PHF8: variants seen among roughly 807,000 people sequenced by gnomAD.
PHF8 encodes PHD finger protein 8, also known as histone lysine demethylase PHF8.
A neutral mutation model predicts 74.4 loss-of-function variants in PHF8; 9 were observed. The observed-to-expected ratio is 0.12, with a 90% CI of 0.07 to 0.21. The LOEUF (loss-of-function observed/expected upper bound fraction) is 0.21, where lower values mean the gene tolerates loss of function less well. Ranked by LOEUF, PHF8 falls within the 10% of genes least tolerant of loss-of-function variation. PHF8 has a pLI of 1.00. For synonymous variants in PHF8, 311 were observed against 316.6 expected, an observed-to-expected ratio of 0.98 and a Z score of 0.19; for missense variants, 478 against 816.6, an observed-to-expected ratio of 0.59 and a Z score of 5.05.
At chrX:54,048,506 C>CT (rs199643135), upstream of PHF8, among the ~76,000 whole-genome samples, 1,362 of 112,164 alleles carry the variant, frequency 0.012, 14 homozygotes, top group Non-Finnish European at 0.018. Flanking sequence ...ACCCCGACTC[C>CT]TAAAATTCCT....
chrX:54,017,529 T>C (rs2066092826), intron 5 of PHF8, 132 bp downstream of exon 5: 2 of 540,958 alleles, frequency 3.7e-6, no homozygotes, highest in South Asian at 5.7e-5. Context: ...AAGAATGACT[T>C]TGGACAAGGC....
intron 18 of PHF8, among the ~76,000 whole-genome samples, chrX:53,983,980 C>G (rs2065519525): frequency 8.9e-6 from 1 of 112,485 alleles, no homozygotes; most frequent in Non-Finnish European, 1.9e-5. Flanking sequence ...AGAGAGGAAA[C>G]AGTGTTAGTC....
chrX:53,979,313 C>T (rs1250624262), intron 18 of PHF8, among the ~76,000 whole-genome samples: 2 of 110,821 alleles, frequency 1.8e-5, no homozygotes, highest in East Asian at 2.8e-4. Context: ...ACCGGGGAGG[C>T]GGAGGTTGCA....
chrX:53,960,705 C>T (rs782101695), intron 19 of PHF8, among the ~76,000 whole-genome samples: 5 of 108,039 alleles, frequency 4.6e-5, no homozygotes, highest in Admixed American at 9.9e-5. Context: ...GCCAAGATCC[C>T]GCCACTGCAC....
chrX:54,016,561 T>C (rs964797583), intron 6 of PHF8, 34 bp downstream of exon 6: 21 of 1,160,531 alleles, frequency 1.8e-5, no homozygotes, highest in Middle Eastern at 2.4e-4. Flanking sequence ...TCAGGCACTT[T>C]GTCAGGTTTT....
chrX:53,966,751 G>A (rs1489456568), intron 18 of PHF8, among the ~76,000 whole-genome samples: 6 of 108,700 alleles, frequency 5.5e-5, no homozygotes, highest in South Asian at 4.2e-4. Context: ...AGTGAGGAGC[G>A]TCTCTGCCCG....
intron 2 of PHF8, among the ~76,000 whole-genome samples, chrX:54,042,372 A>AGG (rs58326801): frequency 2.8e-4 from 21 of 74,560 alleles, no homozygotes; most frequent in East Asian, 5.3e-4. Flanking sequence ...AGGAAAGAAA[A>AGG]GGGGGGGGGG....
chrX:54,034,577 C>T (rs1222152771), intron 2 of PHF8, among the ~76,000 whole-genome samples: 1 of 111,085 alleles, frequency 9.0e-6, no homozygotes, highest in African/African-American at 3.3e-5. Flanking sequence ...AATCCCAGCA[C>T]TTTGGGAGGC....
intron 8 of PHF8, among the ~76,000 whole-genome samples, chrX:54,009,430 C>G (rs1263741026): frequency 9.1e-6 from 1 of 109,890 alleles, no homozygotes; most frequent in Non-Finnish European, 1.9e-5. Flanking sequence ...AAACTAAGCT[C>G]TCATCTCAAG....
At chrX:53,964,781 C>G (rs1272044531) in intron 18 of PHF8, among the ~76,000 whole-genome samples, 1 of 106,858 alleles carries the variant, frequency 9.4e-6, no homozygotes, top group African/African-American at 3.4e-5. Flanking sequence ...GCAGGAGAAT[C>G]ACTTGAACCT....
chrX:53,980,054 T>C (rs1427538000), intron 18 of PHF8, among the ~76,000 whole-genome samples: 1 of 111,256 alleles, frequency 9.0e-6, no homozygotes, highest in African/African-American at 3.3e-5. Flanking sequence ...GAGACCTATA[T>C]ATTGAGTGGA....
At chrX:53,981,028 C>A (rs975652147) in intron 18 of PHF8, among the ~76,000 whole-genome samples, 5 of 112,275 alleles carry the variant, frequency 4.5e-5, no homozygotes, top group Admixed American at 2.8e-4. Flanking sequence ...GCCTGGCCAA[C>A]GTGGTGAAAC....
At position 53,993,825 on chromosome X, in the gene PHF8, G is replaced by C. The variant is rs782806150; in HGVS notation, c.1402C>G (p.Leu468Val). Reference protein sequence around the residue: ...QRIFPAGSIPLTRPAHSTSVS... With the variant: ...QRIFPAGSIPVTRPAHSTSVS... ...GAAGTGGAATGGGCTGGCCTGGTTA[G>C]GGGAATGGAGCCGGCTGGGAAGATC... Residue 468 changes from leucine (L) to valine (V), a missense_variant, in exon 13 of 22, where the codon CTA becomes GTA. Around this residue, in one of 9 missense-constraint regions of PHF8, gnomAD observed 153 missense variants for 164.8 expected, o/e 0.93. Transcript: ENST00000338154. 5.0e-6 allele frequency: 6 copies of C among 1,207,340 alleles called. No homozygotes were observed. Among genetic ancestry groups the C allele is most frequent in the Non-Finnish European group, 4.5e-6 (4 of 891,131 alleles).
At chrX:53,944,842 G>A (rs1415600032) in intron 19 of PHF8, among the ~76,000 whole-genome samples, 1 of 111,121 alleles carries the variant, frequency 9.0e-6, no homozygotes, top group Non-Finnish European at 1.9e-5. Flanking sequence ...CCAACATGGC[G>A]AAAACTTCGT....
chrX:53,992,952 A>C (rs1897439189), intron 13 of PHF8, 113 bp from the exon 14 acceptor site: 1 of 533,890 alleles, frequency 1.9e-6, no homozygotes, highest in Admixed American at 2.7e-5. Flanking sequence ...ACCTGAGCCA[A>C]GGCCTTCTGC....
At chrX:53,978,797 C>CAAA (rs34127297) in intron 18 of PHF8, among the ~76,000 whole-genome samples, 3 of 42,874 alleles carry the variant, frequency 7.0e-5, no homozygotes, top group Admixed American at 6.6e-4. Flanking sequence ...GGCTCCATCT[C>CAAA]AAAAAAAAAA....
chrX:54,010,214 A>G lies in PHF8; in HGVS notation c.946+908T>C, dbSNP rs145009442. Reference sequence around the variant, plus strand: ...TGCAAGCCTGTAATCCCAGCTACCCAGGAGGCTGAGGCAAGAGAATCTCTT... The same window carrying G: ...TGCAAGCCTGTAATCCCAGCTACCCGGGAGGCTGAGGCAAGAGAATCTCTT... On this transcript the variant is annotated intron_variant, in intron 8 of 21. Coordinates refer to ENST00000338154, the MANE Select transcript of PHF8 (RefSeq NM_015107.3). Among the ~76,000 whole-genome samples the G allele has an allele frequency of 5.0e-3, 549 of 110,720 alleles. 2 individuals are homozygous for G. Among genetic ancestry groups the G allele is most frequent in the African/African-American group, 0.017 (517 of 30,477 alleles).
chrX:53,977,725 C>T (rs1257380266), intron 18 of PHF8, among the ~76,000 whole-genome samples: 2 of 107,066 alleles, frequency 1.9e-5, no homozygotes, highest in Admixed American at 1.0e-4. Context: ...CGGCTCACTG[C>T]AAGCTCCGAC....
At position 53,991,459 on chromosome X, in the gene PHF8, C is replaced by T. The variant is rs1157595520; in HGVS notation, c.1730+1277G>A. ...GGCGGATCACTCGAGGCCAGGAGTTCGAGACCAGCCTGGCCAACATGCGGA... is the reference window on the plus strand; with the variant it reads ...GGCGGATCACTCGAGGCCAGGAGTTTGAGACCAGCCTGGCCAACATGCGGA... On this transcript the variant is annotated intron_variant, in intron 14 of 21. Coordinates refer to ENST00000338154, the MANE Select transcript of PHF8 (RefSeq NM_015107.3). Among the ~76,000 whole-genome samples the T allele has an allele frequency of 4.6e-5, 5 of 108,747 alleles. No individual in the cohort carries two copies. The East Asian group carries it at 1.2e-3, about 25-fold the overall frequency. 94.4% of individuals were successfully genotyped at this position (108,747 alleles called of 115,157 possible). A position where few individuals can be genotyped will look rare whatever the true frequency, so the allele number is the denominator to read the frequency against.
Sources: allele counts gnomAD v4.1 joint callset (sites outside exome capture counted in the v4.1 genomes callset), GRCh38; gene constraint gnomAD v4.1.1; regional missense constraint gnomAD v4.1.1; transcripts MANE v1.5; gene names NCBI Gene and HGNC (gene_info 2026-07-23, HGNC 2026-07-21).